The following PDE4D variants were observed in gnomAD, a reference collection of about 807,000 sequenced individuals.
PDE4D encodes the protein 3',5'-cyclic-AMP phosphodiesterase 4D.
A neutral mutation model predicts 87.4 loss-of-function variants in PDE4D; 24 were observed. The ratio of observed to expected loss-of-function variants is 0.27; its 90% CI spans 0.20 to 0.39. The LOEUF (loss-of-function observed/expected upper bound fraction) is 0.39. PDE4D is among the 10% of genes least tolerant of loss of function. The pLI, the probability that PDE4D is intolerant of heterozygous loss-of-function variation, is 1.00. For missense variants in PDE4D, 714 were observed against 1,041.0 expected (o/e 0.69, Z 4.32); for synonymous variants, 384 against 383.2 (o/e 1.00, Z -0.02).
At chr5:59,884,606 A>G (rs767385104) in intron 1 of PDE4D, among the ~76,000 whole-genome samples, 3 of 152,026 alleles carry the variant, frequency 2.0e-5, no homozygotes, top group Non-Finnish European at 4.4e-5. Context: ...ATTGCAATAT[A>G]GTATTTCTTT....
intron 1 of PDE4D, among the ~76,000 whole-genome samples, chr5:59,304,298 G>A (rs1770846609): frequency 6.6e-6 from 1 of 152,100 alleles, no homozygotes. Flanking sequence ...CTTGCTGGAG[G>A]AGTTCTTAGA....
intron 2 of PDE4D, among the ~76,000 whole-genome samples, chr5:60,161,998 C>A (rs939622275): frequency 2.6e-5 from 4 of 152,124 alleles, no homozygotes; most frequent in Non-Finnish European, 5.9e-5. Context: ...CCACCAAAAG[C>A]ATCAACCTAC....
chr5:59,847,806 A>G (rs1475406173), intron 1 of PDE4D, among the ~76,000 whole-genome samples: 1 of 152,136 alleles, frequency 6.6e-6, no homozygotes, highest in Admixed American at 6.6e-5. Context: ...GCGCCAAGTT[A>G]TAGAAAAATC....
chr5:59,856,804 A>AT (rs1255572633), intron 1 of PDE4D, among the ~76,000 whole-genome samples: 2 of 152,130 alleles, frequency 1.3e-5, no homozygotes, highest in African/African-American at 2.4e-5. Flanking sequence ...CTGAAATTGC[A>AT]TTTTTTCAAA....
intron 1 of PDE4D, among the ~76,000 whole-genome samples, chr5:60,337,375 A>ATG (rs1757883376): frequency 8.0e-6 from 1 of 125,692 alleles, no homozygotes; most frequent in Non-Finnish European, 1.7e-5. Context: ...ATATATATAT[A>ATG]TATATATATA....
chr5:59,130,299 G>A (rs1255373514), intron 5 of PDE4D, among the ~76,000 whole-genome samples: 7 of 152,130 alleles, frequency 4.6e-5, no homozygotes, highest in Non-Finnish European at 8.8e-5. Flanking sequence ...TGATAACTAA[G>A]CTTTGTGTAC....
intron 2 of PDE4D, among the ~76,000 whole-genome samples, chr5:60,055,768 C>G (rs145907469): frequency 3.2e-4 from 48 of 152,240 alleles, no homozygotes; most frequent in Non-Finnish European, 5.7e-4. Context: ...GCCAGGCAGT[C>G]TGACTTTAGA....
intron 1 of PDE4D, among the ~76,000 whole-genome samples, chr5:60,191,835 A>T (rs1254023999): frequency 6.8e-6 from 1 of 146,854 alleles, no homozygotes; most frequent in Non-Finnish European, 1.5e-5. Context: ...TGTCTCCATT[A>T]AAAAAAAATA....
At chr5:60,187,925 G>A (rs1335581963) in intron 1 of PDE4D, among the ~76,000 whole-genome samples, 3 of 152,272 alleles carry the variant, frequency 2.0e-5, no homozygotes, top group East Asian at 1.9e-4. Flanking sequence ...ATACACATAT[G>A]TGTTTTCAAA....
intron 6 of PDE4D, among the ~76,000 whole-genome samples, chr5:58,994,970 G>A (rs1748869015): frequency 7.8e-6 from 1 of 128,094 alleles, no homozygotes; most frequent in Admixed American, 1.0e-4. Context: ...GTGCCCAAGT[G>A]TTCTCATTGT....
intron 1 of PDE4D, among the ~76,000 whole-genome samples, chr5:59,455,603 A>T (rs1248096412): frequency 6.6e-6 from 1 of 152,188 alleles, no homozygotes; most frequent in African/African-American, 2.4e-5. Flanking sequence ...AGTCCCTACT[A>T]GGGCACTGTC....
intron 1 of PDE4D, among the ~76,000 whole-genome samples, chr5:59,285,209 T>TTA (rs1766676368): frequency 9.8e-6 from 1 of 102,098 alleles, no homozygotes. Context: ...ACTTAAAGTA[T>TTA]AATAAAAAAA....
Position 60,484,649 on chromosome 5 carries a change from CCAATGGGAGCTT to C in PDE4D, c.-90+3281_-90+3292del, listed in dbSNP as rs1162785731. ...TAATAGATGGATCAGCATTGAAGCT[CCAATGGGAGCTT>C]CAATGGGAGCTTAAACAAATGTAAG... On this transcript the variant is annotated intron_variant, in intron 1 of 16. Coordinates refer to the PDE4D transcript ENST00000502484. Among the ~76,000 whole-genome samples the C allele has an allele frequency of 2.6e-5, 4 of 152,148 alleles. No homozygotes were observed. In the East Asian group the frequency reaches 7.7e-4, roughly 29 times the overall value.
At chr5:59,727,363 T>C (rs979529200) in intron 1 of PDE4D, among the ~76,000 whole-genome samples, 3 of 152,120 alleles carry the variant, frequency 2.0e-5, no homozygotes, top group African/African-American at 7.2e-5. Flanking sequence ...AAATAGATTT[T>C]CCCAGCAATA....
intron 3 of PDE4D, among the ~76,000 whole-genome samples, chr5:59,962,530 T>C (rs1017646286): frequency 6.6e-6 from 1 of 150,610 alleles, no homozygotes; most frequent in African/African-American, 2.4e-5. Context: ...GAAAAAAAAA[T>C]TTAAATATTT....
At chr5:60,207,308 G>A (rs957797586) in intron 1 of PDE4D, among the ~76,000 whole-genome samples, 1 of 152,204 alleles carries the variant, frequency 6.6e-6, no homozygotes, top group African/African-American at 2.4e-5. Flanking sequence ...GACTATATGA[G>A]GCTTTGAGTG....
At chr5:60,197,755 T>C (rs193294637) in intron 1 of PDE4D, among the ~76,000 whole-genome samples, 2 of 151,628 alleles carry the variant, frequency 1.3e-5, no homozygotes, top group African/African-American at 4.8e-5. Context: ...AGAAACTCAA[T>C]GTTAATTAAA....
At chr5:59,905,514 G>T (rs1485977878) in intron 3 of PDE4D, among the ~76,000 whole-genome samples, 1 of 152,014 alleles carries the variant, frequency 6.6e-6, no homozygotes, top group East Asian at 1.9e-4. Context: ...AAGAGAATGG[G>T]CATTACAGCC....
In PDE4D at chr5:59,529,394, A is replaced by G. The variant is rs1813738853; in HGVS notation, c.456-313426T>C. On this transcript the variant is annotated intron_variant, in intron 1 of 14. Transcript: ENST00000340635. ...ACAGGTAGGAGCAATGCTACTTAGA[A>G]GTTTCACGGAGGCCAAAGTTCAGTG... 5 of 249,380 alleles carry G rather than the reference A, an allele frequency of 2.0e-5. 1 individual carries two copies. Among genetic ancestry groups the G allele is most frequent in the Non-Finnish European group, 4.0e-5 (5 of 125,640 alleles). 15.4% of individuals were successfully genotyped at this position (249,380 alleles called of 1,614,324 possible).
Sources: allele counts gnomAD v4.1 joint callset (sites outside exome capture counted in the v4.1 genomes callset), GRCh38; gene constraint gnomAD v4.1.1; transcripts MANE v1.5; gene names NCBI Gene and HGNC (gene_info 2026-07-23, HGNC 2026-07-21).